The following FAAP20 variants were observed in gnomAD, a reference collection of about 807,000 sequenced individuals.
The protein encoded by FAAP20 is FA core complex associated protein 20, also known as Fanconi anemia core complex-associated protein 20.
In FAAP20, 12 loss-of-function variants were observed where a neutral mutation model predicts 16.2. The observed-to-expected ratio is 0.74, with a 90% CI of 0.48 to 1.20. FAAP20 has a LOEUF of 1.20. Ranked by LOEUF, FAAP20 falls within the 50% of genes most tolerant of loss-of-function variation. The probability of loss-of-function intolerance (pLI) is 0.00; values close to 1 mark genes in which losing one functional copy is unlikely to be tolerated. For synonymous variants in FAAP20, 141 were observed against 110.7 expected (o/e 1.27, Z -1.72); for missense variants, 288 against 245.8 (o/e 1.17, Z -1.15).
upstream of FAAP20, chr1:2,198,319 G>A (rs576569009): frequency 3.6e-4 from 189 of 518,902 alleles, 4 homozygotes; most frequent in South Asian, 2.3e-3. Flanking sequence ...TCCTACTCCC[G>A]CACCTGCAGA....
chr1:2,186,348 C>T (rs371981682), downstream of FAAP20: 29 of 196,612 alleles, frequency 1.5e-4, no homozygotes, highest in African/African-American at 6.4e-4. Flanking sequence ...GCCCACCCTA[C>T]ACACTCAGGT....
At chr1:2,192,426 A>G (rs537727864) in intron 3 of FAAP20, 2 of 998,112 alleles carry the variant, frequency 2.0e-6, no homozygotes, top group African/African-American at 3.5e-5. Context: ...CAACTGCTTA[A>G]AAAGCTCAAA....
At chr1:2,201,842 C>G (rs374437377), upstream of FAAP20, among the ~76,000 whole-genome samples, 93 of 151,788 alleles carry the variant, frequency 6.1e-4, no homozygotes, top group African/African-American at 2.2e-3. Flanking sequence ...ACGGTGAAAC[C>G]CTGTTTCTAC....
upstream of FAAP20, among the ~76,000 whole-genome samples, chr1:2,195,049 C>A (rs1240216259): frequency 6.6e-6 from 1 of 151,964 alleles, no homozygotes; most frequent in Non-Finnish European, 1.5e-5. Context: ...CCGATGGCTG[C>A]CCGGCCCGCC....
chr1:2,187,525 A>G (rs1687735290), downstream of FAAP20, among the ~76,000 whole-genome samples: 1 of 151,874 alleles, frequency 6.6e-6, no homozygotes, highest in Admixed American at 6.5e-5. Context: ...GCTGGTCTTG[A>G]ACTCCTGACC....
chr1:2,211,429 ATATATATTTTTTTTTTTT>A (rs1689441453), downstream of FAAP20, among the ~76,000 whole-genome samples: 1 of 18,866 alleles, frequency 5.3e-5, no homozygotes, highest in Non-Finnish European at 7.8e-5. Context: ...ATATATATAT[ATATATATTTTTTTTTTTT>A]TTTTTTTTTT....
At chr1:2,189,475 G>A (rs1317435349), downstream of FAAP20, 2 of 574,208 alleles carry the variant, frequency 3.5e-6, no homozygotes, top group Non-Finnish European at 6.3e-6. Context: ...CCCCGCCTGG[G>A]GCTGTGTCTG....
chr1:2,208,433 C>G (rs1335750120), downstream of FAAP20, among the ~76,000 whole-genome samples: 1 of 152,212 alleles, frequency 6.6e-6, no homozygotes, highest in Non-Finnish European at 1.5e-5. Context: ...TGCAGTTGTC[C>G]ACGGGCCCTT....
chr1:2,189,552 A>G lies in FAAP20; in HGVS notation c.*157T>C, dbSNP rs1332292650. The G allele has an allele frequency of 3.0e-6, 2 of 661,214 alleles. No homozygotes were observed. The highest frequency in any genetic ancestry group is 3.6e-5 in the African/African-American group (2 of 56,318). 41.0% of individuals were successfully genotyped at this position (661,214 alleles called of 1,614,324 possible). On this transcript the variant is annotated 3_prime_UTR_variant, in exon 4 of 4. Transcript: ENST00000378546. The stretch of plus-strand genomic sequence containing the variant: ...CAGAAAGAAAAGCGGCAGACGTTTC[A>G]TCACAACACAGAGACAGACAGGAGC...
At chr1:2,185,462 G>C (rs368130570), downstream of FAAP20, 161 of 718,648 alleles carry the variant, frequency 2.2e-4, 1 homozygote, top group Middle Eastern at 3.7e-3. Flanking sequence ...CCACACGTAG[G>C]GGGGCAGCTT....
At chr1:2,203,614 G>A, upstream of FAAP20, 1 of 985,916 alleles carries the variant, frequency 1.0e-6, no homozygotes, top group Non-Finnish European at 1.2e-6. Context: ...ACTCCAGGAT[G>A]CAGCTGCGTC....
chr1:2,193,585 T>C, intron 3 of FAAP20, 54 bp downstream of exon 3: 2 of 1,572,280 alleles, frequency 1.3e-6, no homozygotes, highest in Non-Finnish European at 1.7e-6. Flanking sequence ...TGAACGGCTG[T>C]GGTTTCCAAA....
At chr1:2,210,918 G>T (rs1255378118), downstream of FAAP20, among the ~76,000 whole-genome samples, 1 of 152,248 alleles carries the variant, frequency 6.6e-6, no homozygotes, top group South Asian at 2.1e-4. Context: ...TGCTGCGGGG[G>T]ACCTGGGCCT....
chr1:2,191,689 C>T (rs992803335), intron 3 of FAAP20: 3 of 299,990 alleles, frequency 1.0e-5, no homozygotes, highest in Non-Finnish European at 9.8e-6. Flanking sequence ...TGCAGTGAGC[C>T]GAGATCATGC....
chr1:2,208,892 C>G (rs1045109245), downstream of FAAP20, among the ~76,000 whole-genome samples: 2 of 152,196 alleles, frequency 1.3e-5, no homozygotes, highest in Non-Finnish European at 1.5e-5. Context: ...GCTTATTGGG[C>G]CCTCAGTTTT....
downstream of FAAP20, chr1:2,186,005 C>T: frequency 2.4e-6 from 1 of 418,824 alleles, no homozygotes; most frequent in African/African-American, 2.0e-5. Context: ...TCCACCCACC[C>T]CTCAGGTGAA....
chr1:2,192,045 G>A (rs1322340545), intron 3 of FAAP20: 2 of 985,464 alleles, frequency 2.0e-6, no homozygotes, highest in Admixed American at 6.1e-5. Context: ...CCCCAGACCC[G>A]CCTCTGCCAG....
intron 1 of FAAP20, 66 bp from the exon 2 acceptor site, chr1:2,194,199 G>C: frequency 6.3e-7 from 1 of 1,583,672 alleles, no homozygotes; most frequent in Non-Finnish European, 8.6e-7. Context: ...GGGGAGACCC[G>C]GGAGGGCCTG....
chr1:2,201,162 G>A (rs1689032688), upstream of FAAP20: 18 of 1,274,316 alleles, frequency 1.4e-5, no homozygotes, highest in Non-Finnish European at 1.8e-5. Flanking sequence ...AACTTTCTGA[G>A]TGACGTGCAG....
Sources: allele counts gnomAD v4.1 joint callset (sites outside exome capture counted in the v4.1 genomes callset), GRCh38; gene constraint gnomAD v4.1.1; transcripts MANE v1.5; gene names NCBI Gene and HGNC (gene_info 2026-07-23, HGNC 2026-07-21).